Variants in DPP6 observed in about 807,000 individuals in gnomAD.
DPP6 encodes the protein dipeptidyl peptidase like 6.
In DPP6, 69 loss-of-function variants were observed where a neutral mutation model predicts 122.6. That is an observed-to-expected ratio of 0.56 (90% CI 0.46 to 0.69). The LOEUF (loss-of-function observed/expected upper bound fraction) is 0.69. Among genes scored for constraint, DPP6 ranks in the 30% least tolerant of loss-of-function variants. The pLI is 0.00. For missense variants in DPP6, 928 were observed against 1,116.9 expected, an observed-to-expected ratio of 0.83 and a Z score of 2.41; for synonymous variants, 418 against 433.1, an observed-to-expected ratio of 0.97 and a Z score of 0.43.
intron 1 of DPP6, among the ~76,000 whole-genome samples, chr7:154,231,765 C>T (rs1046157107): frequency 6.6e-6 from 1 of 152,212 alleles, no homozygotes; most frequent in East Asian, 1.9e-4. Flanking sequence ...TGACTGATTA[C>T]AGCCTAAAGG....
intron 1 of DPP6, among the ~76,000 whole-genome samples, chr7:154,155,273 A>G (rs1012429717): frequency 6.6e-5 from 10 of 152,180 alleles, no homozygotes; most frequent in Non-Finnish European, 1.2e-4. Context: ...CCGCCTGCAT[A>G]TGATAGACAT....
At chr7:154,040,651 ATAATT>A (rs1799711791) in intron 1 of DPP6, among the ~76,000 whole-genome samples, 1 of 152,002 alleles carries the variant, frequency 6.6e-6, no homozygotes, top group Non-Finnish European at 1.5e-5. Context: ...TTCCAGAAGG[ATAATT>A]TATTTTGTTA....
At chr7:154,749,657 G>A (rs1046031403) in intron 8 of DPP6, among the ~76,000 whole-genome samples, 1 of 96,804 alleles carries the variant, frequency 1.0e-5, no homozygotes, top group Admixed American at 1.1e-4. Flanking sequence ...AGAGGGATGG[G>A]GCATTACTGA....
the DPP6 span, among the ~76,000 whole-genome samples, chr7:153,849,734 G>A: frequency 2.7e-3 from 411 of 152,244 alleles, 2 homozygotes; most frequent in Admixed American, 7.8e-3. Context: ...CCAACATGCA[G>A]TATTCTTCCT....
At chr7:153,857,506 T>C in the DPP6 span, among the ~76,000 whole-genome samples, 1 of 152,286 alleles carries the variant, frequency 6.6e-6, no homozygotes, top group South Asian at 2.1e-4. Context: ...TGCTTACAGC[T>C]TTCTGGCATG....
intron 1 of DPP6, among the ~76,000 whole-genome samples, chr7:154,336,577 C>T (rs1585980859): frequency 6.6e-6 from 1 of 152,326 alleles, no homozygotes; most frequent in East Asian, 1.9e-4. Context: ...GCCCACTTCA[C>T]ACCTTGGAGT....
At chr7:154,097,399 C>T (rs551984771) in intron 1 of DPP6, among the ~76,000 whole-genome samples, 5 of 152,356 alleles carry the variant, frequency 3.3e-5, no homozygotes, top group African/African-American at 1.2e-4. Context: ...TGCTGCGAGC[C>T]CTTTGAGGGC....
At chr7:154,732,886 C>T (rs1470637220) in intron 8 of DPP6, among the ~76,000 whole-genome samples, 1 of 152,190 alleles carries the variant, frequency 6.6e-6, no homozygotes, top group Admixed American at 6.5e-5. Flanking sequence ...TTCTAGGACC[C>T]ATGCAGTCAG....
intron 1 of DPP6, among the ~76,000 whole-genome samples, chr7:154,090,309 C>T (rs1424530946): frequency 6.6e-6 from 1 of 152,214 alleles, no homozygotes; most frequent in Non-Finnish European, 1.5e-5. Context: ...AATGAGCCAA[C>T]TGGCCACATG....
intron 7 of DPP6, among the ~76,000 whole-genome samples, chr7:154,682,164 C>T (rs1839319746): frequency 6.6e-6 from 1 of 152,216 alleles, no homozygotes; most frequent in Admixed American, 6.5e-5. Flanking sequence ...TTCAGCAGTT[C>T]AGATTCAGTT....
At position 154,846,409 on chromosome 7, in the gene DPP6, C is replaced by T. The variant is rs79607871; in HGVS notation, c.1667-7371C>T. ...TTCAACCAGGATCCTAGAAAGAAGA[C>T]GCATCCTGGAGGATAGCCCAGCAGA... is the stretch of plus-strand genomic sequence containing the variant. On this transcript the variant is annotated intron_variant, in intron 16 of 25. Transcript: ENST00000377770. Among the ~76,000 whole-genome samples the T allele has an allele frequency of 2.8e-3, 433 of 152,200 alleles. 6 individuals are homozygous for T. In the East Asian group the frequency reaches 0.054, roughly 19 times the overall value.
At chr7:153,951,102 C>T (rs965652691) in intron 1 of DPP6, among the ~76,000 whole-genome samples, 4 of 117,616 alleles carry the variant, frequency 3.4e-5, no homozygotes, top group Admixed American at 9.9e-5. Context: ...ATAAAAAAAC[C>T]GGAGGTCAAA....
At chr7:153,766,910 C>T in the DPP6 span, among the ~76,000 whole-genome samples, 1 of 152,126 alleles carries the variant, frequency 6.6e-6, no homozygotes, top group Admixed American at 6.6e-5. Flanking sequence ...ATCCATGTCA[C>T]AAGCCACATA....
intron 5 of DPP6, among the ~76,000 whole-genome samples, chr7:154,634,011 CT>C (rs530757614): frequency 0.027 from 3,676 of 134,162 alleles, 70 homozygotes; most frequent in Middle Eastern, 0.058. Context: ...TTTTTTTTTT[CT>C]TTTTTTTTTT....
intron 2 of DPP6, among the ~76,000 whole-genome samples, chr7:154,458,078 C>T (rs1481725938): frequency 1.3e-5 from 2 of 152,078 alleles, no homozygotes; most frequent in Admixed American, 1.3e-4. Flanking sequence ...GCCACAAGCC[C>T]AGGAATACTG....
chr7:153,939,646 T>G (rs1469643854), intron 1 of DPP6, among the ~76,000 whole-genome samples: 1 of 152,228 alleles, frequency 6.6e-6, no homozygotes, highest in Non-Finnish European at 1.5e-5. Flanking sequence ...ATGTGTCAAG[T>G]CTTGTGCTAG....
rs970580293 is a variant in DPP6 at position 154,040,219 on chromosome 7, G to A, written c.51+152485G>A. 3.5e-5 allele frequency among the ~76,000 whole-genome samples: 5 copies of A among 141,060 alleles called. 2 individuals are homozygous for A. The highest frequency in any genetic ancestry group is 1.5e-4 in the African/African-American group (5 of 32,562). 92.5% of individuals were successfully genotyped at this position (141,060 alleles called of 152,430 possible). A position where few individuals can be genotyped will look rare whatever the true frequency, so the allele number is the denominator to read the frequency against. On this transcript the variant is annotated intron_variant, in intron 1 of 25. Transcript: ENST00000404039. ...TTTGCAAAGATAGAGGTGCTATCAC[G>A]GAGGATGCTGTTGGTGTGGCATAGG...
chr7:154,451,142 C>T (rs756426749), intron 2 of DPP6, among the ~76,000 whole-genome samples: 2 of 152,004 alleles, frequency 1.3e-5, no homozygotes, highest in African/African-American at 4.8e-5. Context: ...GTGGGCAGAT[C>T]ACGAGGTCAG....
At chr7:153,910,234 C>CTTTTTTTT (rs111816561) in intron 1 of DPP6, among the ~76,000 whole-genome samples, 3 of 137,752 alleles carry the variant, frequency 2.2e-5, no homozygotes, top group African/African-American at 5.4e-5. Context: ...TTCTTTCTTT[C>CTTTTTTTT]TTTTTTTTTT....
Sources: gnomAD v4.1 joint callset for allele counts (sites outside exome capture counted in the v4.1 genomes callset) on GRCh38, gnomAD v4.1.1 for gene constraint, MANE v1.5 for transcripts, NCBI Gene and HGNC (gene_info 2026-07-23, HGNC 2026-07-21) for gene names.